The following ANO3 variants were observed in gnomAD, a reference collection of about 807,000 sequenced individuals.
ANO3 encodes the protein anoctamin-3.
A neutral mutation model predicts 144.8 loss-of-function variants in ANO3; 99 were observed. The observed-to-expected ratio is 0.68, with a 90% CI of 0.58 to 0.81. ANO3 has a LOEUF of 0.81. ANO3 is among the 30% of genes least tolerant of loss of function. The probability of loss-of-function intolerance (pLI) is 0.00; values close to 1 mark genes in which losing one functional copy is unlikely to be tolerated. For synonymous variants in ANO3, 414 were observed against 392.6 expected (o/e 1.05, Z -0.64); for missense variants, 905 against 1,202.2 (o/e 0.75, Z 3.66).
intron 13 of ANO3, among the ~76,000 whole-genome samples, chr11:26,554,549 T>C (rs962915875): frequency 6.6e-6 from 1 of 152,132 alleles, no homozygotes; most frequent in African/African-American, 2.4e-5. Flanking sequence ...TACCCACCCA[T>C]GGTATATGAG....
intron 1 of ANO3, among the ~76,000 whole-genome samples, chr11:26,380,223 T>C (rs1440822125): frequency 6.6e-6 from 1 of 152,242 alleles, no homozygotes; most frequent in East Asian, 1.9e-4. Flanking sequence ...TGGAACAAAG[T>C]ATGTGCTACA....
intron 14 of ANO3, among the ~76,000 whole-genome samples, chr11:26,570,308 A>C (rs1850770218): frequency 6.6e-6 from 1 of 152,068 alleles, no homozygotes; most frequent in Non-Finnish European, 1.5e-5. Flanking sequence ...AGTGATGAGA[A>C]AAAACAAAAA....
intron 1 of ANO3, among the ~76,000 whole-genome samples, chr11:26,221,309 T>C (rs1852138703): frequency 1.3e-5 from 2 of 152,230 alleles, no homozygotes; most frequent in African/African-American, 4.8e-5. Context: ...GGGCTTGGGT[T>C]CCACTTGTGT....
intron 1 of ANO3, among the ~76,000 whole-genome samples, chr11:26,440,978 C>T (rs1472047208): frequency 6.6e-6 from 1 of 151,884 alleles, no homozygotes; most frequent in Non-Finnish European, 1.5e-5. Flanking sequence ...TGTAGGGGGA[C>T]TTCTGCTTTT....
At chr11:26,580,375 G>A (rs1851097668) in intron 14 of ANO3, among the ~76,000 whole-genome samples, 1 of 152,116 alleles carries the variant, frequency 6.6e-6, no homozygotes, top group Non-Finnish European at 1.5e-5. Context: ...ATCACTGGCA[G>A]TATTACGTAC....
chr11:26,309,586 T>C (rs1854461107), upstream of ANO3: 1 of 826,488 alleles, frequency 1.2e-6, no homozygotes, highest in African/African-American at 1.9e-5. Flanking sequence ...TTCTACTCTC[T>C]TTCTGGTCTA....
At chr11:26,657,326 G>A (rs1003456251) in intron 26 of ANO3, among the ~76,000 whole-genome samples, 1 of 151,996 alleles carries the variant, frequency 6.6e-6, no homozygotes, top group East Asian at 1.9e-4. Flanking sequence ...TATCATCGAG[G>A]ACTGAAATTC....
intron 1 of ANO3, among the ~76,000 whole-genome samples, chr11:26,236,975 T>C (rs1194304942): frequency 6.6e-6 from 1 of 152,160 alleles, no homozygotes; most frequent in Admixed American, 6.5e-5. Context: ...AACCCAGTTA[T>C]CTGTAAGTTT....
intron 14 of ANO3, chr11:26,566,945 T>A (rs1850612209): frequency 9.6e-7 from 1 of 1,042,724 alleles, no homozygotes; most frequent in Non-Finnish European, 1.3e-6. Context: ...TAGCCTAAAG[T>A]AAACACTTAA....
chr11:26,582,750 T>C (rs1267493213), intron 14 of ANO3, among the ~76,000 whole-genome samples: 1 of 152,164 alleles, frequency 6.6e-6, no homozygotes, highest in Non-Finnish European at 1.5e-5. Flanking sequence ...TCAACATATA[T>C]TAATTAAAGG....
chr11:26,625,074 T>C (rs952037279), intron 18 of ANO3, among the ~76,000 whole-genome samples: 5 of 152,074 alleles, frequency 3.3e-5, no homozygotes, highest in Non-Finnish European at 5.9e-5. Context: ...TACAGGCGCC[T>C]GCCACCACGT....
chr11:26,487,858 T>C (rs1229511711), intron 4 of ANO3, among the ~76,000 whole-genome samples: 1 of 152,130 alleles, frequency 6.6e-6, no homozygotes, highest in Non-Finnish European at 1.5e-5. Context: ...AAAGGTGATT[T>C]AGGTGCTATT....
At chr11:26,567,951 T>G (rs1850660594) in intron 14 of ANO3, among the ~76,000 whole-genome samples, 1 of 151,964 alleles carries the variant, frequency 6.6e-6, no homozygotes, top group Non-Finnish European at 1.5e-5. Flanking sequence ...AAAGCTACAA[T>G]GATACGATTG....
In ANO3 at chr11:26,221,972, G is replaced by A. The variant is rs570549216; in HGVS notation, c.154+32642G>A. On this transcript the variant is annotated intron_variant, in intron 1 of 27. Transcript: ENST00000672621. The stretch of plus-strand genomic sequence containing the variant: ...ACACACATCTAAACCATATCATGCT[G>A]CCCCTGAACCCCTAAATTTTATGTC... Among the ~76,000 whole-genome samples the A allele has an allele frequency of 1.1e-3, 168 of 152,198 alleles. 1 individual carries two copies. The highest frequency in any genetic ancestry group is 4.0e-3 in the African/African-American group (165 of 41,522).
chr11:26,605,750 G>A (rs752287226), intron 17 of ANO3, among the ~76,000 whole-genome samples: 5 of 151,832 alleles, frequency 3.3e-5, no homozygotes, highest in African/African-American at 4.8e-5. Flanking sequence ...CTTCTCTGAC[G>A]GTAGTTTGTA....
chr11:26,652,707 AT>A (rs1295398776), intron 24 of ANO3, among the ~76,000 whole-genome samples: 2 of 152,098 alleles, frequency 1.3e-5, no homozygotes, highest in Non-Finnish European at 2.9e-5. Context: ...CTTTGCTCCC[AT>A]TTATAACAGA....
rs377103207 is a variant in ANO3, at chr11:26,516,232, A to G, written c.592-595A>G. Reference sequence around the variant, plus strand: ...TGCTTAAAAACCTTTTGTCTAGTCAAAGACACTTTAGTTCTTATTTGTTGA... The same window carrying G: ...TGCTTAAAAACCTTTTGTCTAGTCAGAGACACTTTAGTTCTTATTTGTTGA... On this transcript the variant is annotated intron_variant, in intron 5 of 26. Transcript: ENST00000256737. Among the ~76,000 whole-genome samples the G allele has an allele frequency of 3.3e-5, 5 of 151,720 alleles. No homozygotes were observed. In the East Asian group the frequency reaches 7.7e-4, roughly 23 times the overall value.
intron 1 of ANO3, among the ~76,000 whole-genome samples, chr11:26,282,896 C>T (rs1363345886): frequency 2.0e-5 from 3 of 151,962 alleles, no homozygotes; most frequent in African/African-American, 7.2e-5. Flanking sequence ...TTCACAAAAT[C>T]CAGAAAGATA....
intron 1 of ANO3, among the ~76,000 whole-genome samples, chr11:26,394,655 G>C (rs1024730712): frequency 6.3e-5 from 9 of 142,870 alleles, no homozygotes; most frequent in African/African-American, 2.1e-4. Context: ...ACAGCTCACT[G>C]CAACCTCCGC....
Sources: gnomAD v4.1 joint callset for allele counts (sites outside exome capture counted in the v4.1 genomes callset) on GRCh38, gnomAD v4.1.1 for gene constraint, MANE v1.5 for transcripts, NCBI Gene and HGNC (gene_info 2026-07-23, HGNC 2026-07-21) for gene names.